The following ARFGEF2 variants were observed in gnomAD, a reference collection of about 807,000 sequenced individuals.
ARFGEF2 encodes the protein ARF guanine nucleotide exchange factor 2, also known as brefeldin A-inhibited guanine nucleotide-exchange protein 2.
In ARFGEF2, 74 loss-of-function variants were observed where a neutral mutation model predicts 219.9. The ratio of observed to expected loss-of-function variants is 0.34; its 90% CI spans 0.28 to 0.41. ARFGEF2 has a LOEUF of 0.41. ARFGEF2 is among the 10% of genes least tolerant of loss of function. ARFGEF2 has a pLI of 1.00. For synonymous variants in ARFGEF2, 733 were observed against 799.2 expected (o/e 0.92, Z 1.40); for missense variants, 1,743 against 2,218.3 (o/e 0.79, Z 4.30).
At chr20:48,927,516 C>T (rs563855385) in intron 1 of ARFGEF2, among the ~76,000 whole-genome samples, 1 of 152,144 alleles carries the variant, frequency 6.6e-6, no homozygotes, top group East Asian at 1.9e-4. Flanking sequence ...TGGCGAAACC[C>T]CATCTGTACT....
intron 6 of ARFGEF2, among the ~76,000 whole-genome samples, chr20:48,957,244 C>T (rs982557988): frequency 1.3e-5 from 2 of 152,206 alleles, no homozygotes; most frequent in Non-Finnish European, 2.9e-5. Context: ...ATGCTTACCC[C>T]TCATTGGCTA....
chr20:48,941,261 AC>A, intron 2 of ARFGEF2, 32 bp downstream of exon 2: 1 of 1,610,104 alleles, frequency 6.2e-7, no homozygotes, highest in Middle Eastern at 1.6e-4. Flanking sequence ...TTGCTGAGAT[AC>A]GGCATGAAGG....
chr20:48,985,688 G>A (rs1208908934), intron 16 of ARFGEF2, 75 bp downstream of exon 16: 10 of 1,493,218 alleles, frequency 6.7e-6, no homozygotes, highest in Non-Finnish European at 9.2e-6. Context: ...TTTGGTTGGG[G>A]TTTAATCTTT....
chr20:48,922,413 G>C (rs2090848533), intron 1 of ARFGEF2, among the ~76,000 whole-genome samples: 2 of 152,216 alleles, frequency 1.3e-5, no homozygotes, highest in African/African-American at 2.4e-5. Flanking sequence ...CCGTCCAACT[G>C]GTTTAGGGAA....
At chr20:48,945,310 C>T (rs1010894108) in intron 3 of ARFGEF2, among the ~76,000 whole-genome samples, 10 of 152,138 alleles carry the variant, frequency 6.6e-5, no homozygotes, top group South Asian at 4.2e-4. Flanking sequence ...TGTGACCTAG[C>T]GGAGTAGCTG....
At chr20:48,929,872 G>T (rs2090902536) in intron 1 of ARFGEF2, among the ~76,000 whole-genome samples, 1 of 152,166 alleles carries the variant, frequency 6.6e-6, no homozygotes, top group South Asian at 2.1e-4. Context: ...TGCAAGGCCT[G>T]GAGGTCATGG....
intron 7 of ARFGEF2, among the ~76,000 whole-genome samples, chr20:48,965,530 A>G (rs1035831714): frequency 2.0e-5 from 3 of 152,210 alleles, no homozygotes; most frequent in African/African-American, 2.4e-5. Context: ...CTTTAAAAAA[A>G]TCTGTACCTT....
rs2123500296 is a variant in ARFGEF2, at chr20:49,005,080, A to G, written c.3443A>G (p.Asn1148Ser). ...IGDHFNKVGC[N>S]PNEDVAIFAV... ...CCTGTTCTTGTTCAGGTTGGCTGCA[A>G]CCCTAATGAAGATGTGGCTATCTTT... is the stretch of plus-strand genomic sequence containing the variant. Residue 1148 changes from asparagine (N) to serine (S), a missense_variant, in exon 26 of 39, where the codon AAC becomes AGC. This residue lies in a region of ARFGEF2 where 102 missense variants were observed against 146.8 expected (regional missense o/e 0.69). Transcript: ENST00000371917. 1.2e-6 allele frequency: 2 copies of G among 1,614,114 alleles called. No homozygotes were observed. The highest frequency in any genetic ancestry group is 2.2e-5 in the East Asian group (1 of 44,876).
At chr20:48,981,330 G>T (rs2091294422) in intron 14 of ARFGEF2, among the ~76,000 whole-genome samples, 1 of 152,214 alleles carries the variant, frequency 6.6e-6, no homozygotes, top group African/African-American at 2.4e-5. Flanking sequence ...CTGGCTTGTA[G>T]AGTTTCTGCT....
intron 6 of ARFGEF2, 71 bp from the exon 7 acceptor site, chr20:48,963,759 C>A: frequency 6.8e-7 from 1 of 1,479,138 alleles, no homozygotes; most frequent in Non-Finnish European, 9.4e-7. Context: ...CCCATAATCT[C>A]CTTTTCCTCT....
At chr20:48,970,406 C>T (rs532090622) in intron 9 of ARFGEF2, among the ~76,000 whole-genome samples, 3 of 151,922 alleles carry the variant, frequency 2.0e-5, no homozygotes, top group South Asian at 2.1e-4. Flanking sequence ...GTCAAGAGAT[C>T]GAGACCATCC....
chr20:48,967,650 G>A (rs1363057486), intron 8 of ARFGEF2, among the ~76,000 whole-genome samples: 4 of 152,120 alleles, frequency 2.6e-5, no homozygotes, highest in African/African-American at 9.7e-5. Flanking sequence ...AAAGAGAGTG[G>A]GAGTTGGAAG....
chr20:49,012,246 G>C (rs753072414), intron 28 of ARFGEF2, among the ~76,000 whole-genome samples, 162 bp downstream of exon 28: 1 of 152,110 alleles, frequency 6.6e-6, no homozygotes, highest in Non-Finnish European at 1.5e-5. Flanking sequence ...AGGGAGTTAG[G>C]CCTTTTCATT....
At chr20:48,998,619 A>G (rs2091406218) in intron 25 of ARFGEF2, 114 bp downstream of exon 25, 3 of 1,070,022 alleles carry the variant, frequency 2.8e-6, no homozygotes, top group South Asian at 1.4e-5. Context: ...CCTCTAATTC[A>G]TTTTCCCTGT....
chr20:48,976,434 C>G (rs1600627090), intron 14 of ARFGEF2, among the ~76,000 whole-genome samples: 1 of 152,060 alleles, frequency 6.6e-6, no homozygotes. Context: ...TTTTTCCCCC[C>G]TTTTCTAATG....
At chr20:48,999,113 C>G (rs2123483894) in intron 25 of ARFGEF2, 1 of 343,482 alleles carries the variant, frequency 2.9e-6, no homozygotes, top group South Asian at 2.2e-5. Flanking sequence ...TGGTGTGCAC[C>G]TGTAATCCCA....
chr20:48,988,924 T>G (rs1251324779), intron 18 of ARFGEF2, among the ~76,000 whole-genome samples: 1 of 152,212 alleles, frequency 6.6e-6, no homozygotes, highest in Non-Finnish European at 1.5e-5. Context: ...AAACTTTTCT[T>G]TAATTCAGAT....
intron 1 of ARFGEF2, among the ~76,000 whole-genome samples, chr20:48,934,543 G>C (rs1044485595): frequency 1.3e-5 from 2 of 152,034 alleles, no homozygotes; most frequent in African/African-American, 4.8e-5. Flanking sequence ...TGTGATGTGT[G>C]CCTCCCTGTG....
chr20:49,017,264 C>T lies in ARFGEF2; in HGVS notation c.4331C>T (p.Ala1444Val), dbSNP rs766953564. ...WCVKQDNEQL[A>V]RSGTNCLENL... is the part of the protein sequence containing the mutation. The stretch of plus-strand genomic sequence containing the variant: ...TATTTTACAGATAATGAACAGTTGG[C>T]GCGATCAGGTACAAATTGCTTAGAA... The change falls in exon 32 of 39, where the codon GCG becomes GTG. Residue 1444 changes from alanine to valine, a missense_variant. Ala to Val is a moderately conservative substitution (Grantham distance 64). This residue lies in a region of ARFGEF2 where 578 missense variants were observed against 664.0 expected (regional missense o/e 0.87). Coordinates refer to ENST00000371917, the MANE Select transcript of ARFGEF2 (RefSeq NM_006420.3). 6.8e-6 allele frequency: 11 copies of T among 1,613,776 alleles called. No individual in the cohort carries two copies. In the Admixed American group the frequency reaches 1.5e-4, roughly 22 times the overall value.
Sources: allele counts gnomAD v4.1 joint callset (sites outside exome capture counted in the v4.1 genomes callset), GRCh38; gene constraint gnomAD v4.1.1; regional missense constraint gnomAD v4.1.1; transcripts MANE v1.5; gene names NCBI Gene and HGNC (gene_info 2026-07-23, HGNC 2026-07-21).